The following SAXO1 variants were observed in gnomAD, a reference collection of about 807,000 sequenced individuals.
SAXO1 encodes the protein 4930500O09Rik.
In SAXO1, 21 loss-of-function variants were observed where a neutral mutation model predicts 17.5. The ratio of observed to expected loss-of-function variants is 1.20; its 90% CI spans 0.85 to 1.72. The LOEUF is 1.72. Among genes scored for constraint, SAXO1 ranks in the 40% most tolerant of loss-of-function variants. The pLI is 0.00. For synonymous variants in SAXO1, 274 were observed against 216.5 expected, an observed-to-expected ratio of 1.27 and a Z score of -2.33; for missense variants, 843 against 596.0, an observed-to-expected ratio of 1.41 and a Z score of -4.32.
At chr9:18,967,390 T>G (rs1489216685) in intron 1 of SAXO1, among the ~76,000 whole-genome samples, 1 of 141,388 alleles carries the variant, frequency 7.1e-6, no homozygotes, top group Non-Finnish European at 1.5e-5. Context: ...AGATGGGAGT[T>G]TTATCTATAG....
intron 1 of SAXO1, among the ~76,000 whole-genome samples, chr9:18,981,248 C>T (rs1588475126): frequency 6.6e-6 from 1 of 152,268 alleles, no homozygotes; most frequent in Non-Finnish European, 1.5e-5. Context: ...AAAGCCCCTA[C>T]CCACCCCCAC....
rs377548015 is a variant in SAXO1, at chr9:18,928,845, T to C, written c.632A>G (p.Tyr211Cys). 6.2e-7 allele frequency: 1 copy of C among 1,614,152 alleles called. No individual in the cohort carries two copies. Among genetic ancestry groups the C allele is most frequent in the Non-Finnish European group, 8.5e-7 (1 of 1,180,040 alleles). ...LEDVTNYKMS[Y>C]VAHPVEKRFV... Reference sequence around the variant, plus strand: ...GCGCTTCTCCACGGGGTGGGCCACATAGCTCATCTTGTAGTTAGTCACATC... The same window carrying C: ...GCGCTTCTCCACGGGGTGGGCCACACAGCTCATCTTGTAGTTAGTCACATC... Residue 211 changes from tyrosine (Y) to cysteine (C), a missense_variant, in exon 4 of 4, where the codon TAT becomes TGT. Transcript: ENST00000380534.
At chr9:18,967,050 G>C (rs1832748511) in intron 1 of SAXO1, among the ~76,000 whole-genome samples, 1 of 152,210 alleles carries the variant, frequency 6.6e-6, no homozygotes, top group Admixed American at 6.5e-5. Flanking sequence ...TCCAGACCCT[G>C]TTTGCCTGGG....
In SAXO1 at chr9:19,046,913, G is replaced by A. The variant is rs576501483; in HGVS notation, c.-158+2296C>T. ...TTTTAAAAAGAAAAGAAGGCCAGGC[G>A]CAGTGGCGCATGCCTGTAACCCCAG... On this transcript the variant is annotated intron_variant, in intron 1 of 3. Coordinates refer to the SAXO1 transcript ENST00000542071. Among the ~76,000 whole-genome samples the A allele has an allele frequency of 2.0e-4, 31 of 152,196 alleles. No homozygotes were observed. The South Asian group carries it at 5.8e-3, about 29-fold the overall frequency.
At chr9:18,980,605 C>G (rs1295569018) in intron 1 of SAXO1, among the ~76,000 whole-genome samples, 2 of 150,252 alleles carry the variant, frequency 1.3e-5, no homozygotes, top group Non-Finnish European at 1.5e-5. Context: ...CAGGCTGGGG[C>G]TAAAGAAATG....
chr9:19,042,868 G>C (rs1303255597), intron 1 of SAXO1, among the ~76,000 whole-genome samples: 6 of 151,026 alleles, frequency 4.0e-5, no homozygotes, highest in Non-Finnish European at 8.8e-5. Context: ...GCCTCATAAA[G>C]AGAAAGAAAG....
intron 1 of SAXO1, among the ~76,000 whole-genome samples, chr9:19,025,480 C>T (rs529887336): frequency 2.6e-5 from 4 of 152,182 alleles, no homozygotes; most frequent in East Asian, 3.9e-4. Context: ...TAACAAGTTC[C>T]TCCCTGGTTA....
intron 1 of SAXO1, among the ~76,000 whole-genome samples, chr9:19,043,987 A>T (rs1836142195): frequency 6.6e-6 from 1 of 151,950 alleles, no homozygotes; most frequent in African/African-American, 2.4e-5. Context: ...TCTACTAAAA[A>T]TACAAAAATT....
At chr9:18,949,764 G>C (rs536192506) in intron 2 of SAXO1, among the ~76,000 whole-genome samples, 6 of 152,104 alleles carry the variant, frequency 3.9e-5, no homozygotes, top group Non-Finnish European at 5.9e-5. Flanking sequence ...AGACCATCTG[G>C]GACCTTTACT....
intron 1 of SAXO1, among the ~76,000 whole-genome samples, chr9:19,024,384 C>T (rs1380750691): frequency 1.3e-5 from 2 of 151,332 alleles, no homozygotes; most frequent in Admixed American, 6.6e-5. Flanking sequence ...TAGGTGGGAA[C>T]TGAACAATGA....
chr9:18,977,310 G>C (rs1185281078), intron 1 of SAXO1, among the ~76,000 whole-genome samples: 1 of 152,114 alleles, frequency 6.6e-6, no homozygotes, highest in Non-Finnish European at 1.5e-5. Flanking sequence ...CTTATAGCAG[G>C]CTCACTAGTA....
chr9:19,015,675 C>A (rs986335823), intron 1 of SAXO1, among the ~76,000 whole-genome samples: 7 of 147,872 alleles, frequency 4.7e-5, no homozygotes, highest in Admixed American at 2.0e-4. Context: ...GACTGAGTAT[C>A]ACTATGTGGC....
chr9:19,020,933 T>G (rs1835207070), intron 1 of SAXO1, among the ~76,000 whole-genome samples: 2 of 152,226 alleles, frequency 1.3e-5, no homozygotes, highest in South Asian at 4.1e-4. Flanking sequence ...CCACCTAACC[T>G]AATATTGTCA....
At position 18,981,190 on chromosome 9, in the gene SAXO1, C is replaced by T. The variant is rs1189126118; in HGVS notation, c.39-30253G>A. Among the ~76,000 whole-genome samples the T allele has an allele frequency of 2.0e-5, 3 of 152,024 alleles. No individual in the cohort carries two copies. In the East Asian group the frequency reaches 5.8e-4, roughly 29 times the overall value. The stretch of plus-strand genomic sequence containing the variant: ...CTTCTAGGTTATTTCTTTGTGATTG[C>T]GATAATTAAATACCTTGTTAATGGA... On this transcript the variant is annotated intron_variant, in intron 1 of 3. Transcript: ENST00000380534.
intron 1 of SAXO1, among the ~76,000 whole-genome samples, chr9:18,978,020 A>G (rs931888784): frequency 6.4e-5 from 8 of 124,824 alleles, no homozygotes; most frequent in Non-Finnish European, 1.2e-4. Context: ...AAAAAAAAAA[A>G]AAAAGTCCAA....
rs552771038 is a variant in SAXO1, at chr9:18,934,884, T to C, written c.422-5829A>G. ...CTTCCCTGCAGTGTATGGCTACCGA[T>C]ATTTTTGTTCATTTTTTTCTTTTTA... On this transcript the variant is annotated intron_variant, in intron 3 of 3. Transcript: ENST00000380534. Among the ~76,000 whole-genome samples the C allele has an allele frequency of 2.0e-3, 309 of 152,234 alleles. 1 individual carries two copies. The highest frequency in any genetic ancestry group is 7.0e-3 in the African/African-American group (290 of 41,538).
At chr9:18,975,881 A>G (rs186128660) in intron 1 of SAXO1, among the ~76,000 whole-genome samples, 1 of 94,878 alleles carries the variant, frequency 1.1e-5, no homozygotes, top group East Asian at 2.7e-4. Context: ...GCTGAAGTGG[A>G]GCAGACAGAC....
rs139832976 is a variant in SAXO1 at position 19,016,659 on chromosome 9, A to G, written c.38+16212T>C. Reference sequence around the variant, plus strand: ...CTACAATGCACAGGACAGGCCCCACAACAAAAAATGTCCATTGGTGCCACA... The same window carrying G: ...CTACAATGCACAGGACAGGCCCCACGACAAAAAATGTCCATTGGTGCCACA... On this transcript the variant is annotated intron_variant, in intron 1 of 3. Coordinates refer to ENST00000380534, the MANE Select transcript of SAXO1 (RefSeq NM_153707.4). Among the ~76,000 whole-genome samples the G allele has an allele frequency of 1.2e-4, 18 of 152,268 alleles. No homozygotes were observed. The South Asian group carries it at 2.7e-3, about 23-fold the overall frequency.
At chr9:18,949,620 G>A (rs1333916591) in intron 2 of SAXO1, among the ~76,000 whole-genome samples, 2 of 152,094 alleles carry the variant, frequency 1.3e-5, no homozygotes, top group African/African-American at 4.8e-5. Context: ...TACCCAGACT[G>A]GACTTCCCGT....
Sources: gnomAD v4.1 joint callset for allele counts (sites outside exome capture counted in the v4.1 genomes callset) on GRCh38, gnomAD v4.1.1 for gene constraint, MANE v1.5 for transcripts, NCBI Gene and HGNC (gene_info 2026-07-23, HGNC 2026-07-21) for gene names.